The following CAST variants were observed in gnomAD, a reference collection of about 807,000 sequenced individuals.
CAST encodes MIR583 host.
CAST carries 76 observed loss-of-function variants against 119.6 expected under a neutral mutation model. The ratio of observed to expected loss-of-function variants is 0.64; its 90% CI spans 0.53 to 0.77. CAST has a LOEUF of 0.77. Ranked by LOEUF, CAST falls within the 30% of genes least tolerant of loss-of-function variation. The pLI, the probability that CAST is intolerant of heterozygous loss-of-function variation, is 0.00. For synonymous variants in CAST, 319 were observed against 331.6 expected (o/e 0.96, Z 0.41); for missense variants, 953 against 946.5 (o/e 1.01, Z -0.09).
chr5:95,996,059 T>C, the CAST span, among the ~76,000 whole-genome samples: 6 of 152,188 alleles, frequency 3.9e-5, no homozygotes, highest in Admixed American at 3.9e-4. Flanking sequence ...CAAGGCAGCA[T>C]AGAAACTAAA....
chr5:96,505,783 C>T, the CAST span, among the ~76,000 whole-genome samples: 10,730 of 152,228 alleles, frequency 0.07, 803 homozygotes, highest in East Asian at 0.3. Context: ...GTCCTACTGC[C>T]GCCAGCTGGG....
At chr5:96,022,623 G>T in the CAST span, among the ~76,000 whole-genome samples, 3 of 152,186 alleles carry the variant, frequency 2.0e-5, no homozygotes, top group African/African-American at 7.2e-5. Flanking sequence ...CAATGAGGAA[G>T]AAGCAAGAAT....
the CAST span, among the ~76,000 whole-genome samples, chr5:96,441,416 T>A: frequency 6.6e-6 from 1 of 152,188 alleles, no homozygotes; most frequent in East Asian, 1.9e-4. Context: ...CAAGTTTTAT[T>A]AACTCCAATT....
chr5:96,456,992 T>G, the CAST span, among the ~76,000 whole-genome samples: 3 of 152,214 alleles, frequency 2.0e-5, no homozygotes, highest in East Asian at 5.8e-4. Flanking sequence ...TCCTGAGGCC[T>G]TCCAAACCCT....
the CAST span, among the ~76,000 whole-genome samples, chr5:96,379,276 A>G: frequency 1.2e-4 from 18 of 152,342 alleles, no homozygotes; most frequent in Non-Finnish European, 2.2e-4. Flanking sequence ...CAGGTATTGC[A>G]TTAAAAATAC....
chr5:96,259,572 C>T, the CAST span, among the ~76,000 whole-genome samples: 14 of 152,260 alleles, frequency 9.2e-5, no homozygotes, highest in South Asian at 2.9e-3. Context: ...TTAGATTCCC[C>T]TGTGGTCATG....
upstream of CAST, among the ~76,000 whole-genome samples, chr5:96,522,903 A>G (rs1477639189): frequency 6.6e-6 from 1 of 152,222 alleles, no homozygotes; most frequent in Non-Finnish European, 1.5e-5. Flanking sequence ...TCGGGCACCC[A>G]AGCTTAGTGT....
the CAST span, among the ~76,000 whole-genome samples, chr5:96,144,862 G>A: frequency 6.6e-6 from 1 of 151,912 alleles, no homozygotes; most frequent in African/African-American, 2.4e-5. Flanking sequence ...TGTATTTTTG[G>A]TAGAGACGAG....
At chr5:96,622,453 A>G (rs963041174) in intron 1 of CAST, among the ~76,000 whole-genome samples, 8 of 152,212 alleles carry the variant, frequency 5.3e-5, no homozygotes, top group African/African-American at 1.9e-4. Context: ...GAAAGAGAGA[A>G]TGCATGTAGA....
At chr5:96,281,700 C>A in the CAST span, among the ~76,000 whole-genome samples, 3 of 152,098 alleles carry the variant, frequency 2.0e-5, no homozygotes, top group African/African-American at 4.8e-5. Context: ...ATGAAGGGTA[C>A]AAAGCAACTG....
At chr5:96,332,140 G>A in the CAST span, among the ~76,000 whole-genome samples, 1 of 152,170 alleles carries the variant, frequency 6.6e-6, no homozygotes, top group Non-Finnish European at 1.5e-5. Flanking sequence ...GTTTATACAA[G>A]AGATCAATAA....
At chr5:96,164,433 T>C in the CAST span, among the ~76,000 whole-genome samples, 2 of 152,190 alleles carry the variant, frequency 1.3e-5, no homozygotes, top group African/African-American at 4.8e-5. Flanking sequence ...TGGCTTCAGT[T>C]TGGATAATTA....
the CAST span, among the ~76,000 whole-genome samples, chr5:96,320,110 C>T: frequency 4.6e-5 from 7 of 151,804 alleles, no homozygotes; most frequent in Non-Finnish European, 7.4e-5. Flanking sequence ...CATTTCATGC[C>T]CTGGTGAAAC....
intron 27 of CAST, 35 bp downstream of exon 27, chr5:96,766,180 C>A: frequency 8.7e-7 from 1 of 1,144,302 alleles, no homozygotes; most frequent in Non-Finnish European, 1.3e-6. Context: ...CGGATTTATG[C>A]TACCAAGATC....
At chr5:96,095,209 G>A in the CAST span, among the ~76,000 whole-genome samples, 1 of 152,090 alleles carries the variant, frequency 6.6e-6, no homozygotes, top group Non-Finnish European at 1.5e-5. Context: ...AACACACTTG[G>A]TGTGGTTTGC....
rs77591470 is a variant in CAST, at chr5:96,749,968, C to A, written c.1429-619C>A. Among the ~76,000 whole-genome samples the A allele has an allele frequency of 3.8e-3, 582 of 152,194 alleles. 5 individuals carry two copies. The highest frequency in any genetic ancestry group is 0.013 in the African/African-American group (555 of 41,516). ...CTGCTAGACTCTACCCCCAAAGTTTCTTAGTACATGGGGCAGGGGTCTAAG... is the reference window on the plus strand; with the variant it reads ...CTGCTAGACTCTACCCCCAAAGTTTATTAGTACATGGGGCAGGGGTCTAAG... On this transcript the variant is annotated intron_variant, in intron 19 of 31. Coordinates refer to ENST00000675179, the MANE Select transcript of CAST (RefSeq NM_001750.7).
the CAST span, among the ~76,000 whole-genome samples, chr5:96,308,303 C>G: frequency 6.6e-6 from 1 of 151,824 alleles, no homozygotes; most frequent in Non-Finnish European, 1.5e-5. Flanking sequence ...TCAGCTTCAT[C>G]AGGTCATTTA....
chr5:96,314,986 A>G, the CAST span, among the ~76,000 whole-genome samples: 1 of 152,214 alleles, frequency 6.6e-6, no homozygotes, highest in South Asian at 2.1e-4. Flanking sequence ...CCATTTATAT[A>G]TTAATATATT....
intron 1 of CAST, among the ~76,000 whole-genome samples, chr5:96,553,709 CAA>C (rs1746179002): frequency 6.6e-6 from 1 of 152,214 alleles, no homozygotes; most frequent in South Asian, 2.1e-4. Flanking sequence ...AGCAAAATCT[CAA>C]GATGCAAAAT....
Sources: gnomAD v4.1 joint callset for allele counts (sites outside exome capture counted in the v4.1 genomes callset) on GRCh38, gnomAD v4.1.1 for gene constraint, MANE v1.5 for transcripts, NCBI Gene and HGNC (gene_info 2026-07-23, HGNC 2026-07-21) for gene names.